NCAM1: variants seen among roughly 807,000 people sequenced by gnomAD.
The protein encoded by NCAM1 is antigen recognized by monoclonal antibody 5.1H11.
NCAM1 carries 14 observed loss-of-function variants against 109.8 expected under a neutral mutation model. The ratio of observed to expected loss-of-function variants is 0.13; its 90% CI spans 0.08 to 0.20. The LOEUF is 0.20. Among genes scored for constraint, NCAM1 ranks in the 10% least tolerant of loss-of-function variants. The probability of loss-of-function intolerance (pLI) is 1.00; values close to 1 mark genes in which losing one functional copy is unlikely to be tolerated. For synonymous variants in NCAM1, 418 were observed against 442.9 expected (o/e 0.94, Z 0.70); for missense variants, 774 against 1,109.9 (o/e 0.70, Z 4.30).
intron 1 of NCAM1, among the ~76,000 whole-genome samples, chr11:113,082,827 G>T (rs1317268967): frequency 1.3e-5 from 2 of 152,136 alleles, no homozygotes; most frequent in African/African-American, 4.8e-5. Context: ...TCTGTCAAAA[G>T]CAACCCTCTA....
At chr11:113,056,013 ATAT>A (rs1953696890) in intron 1 of NCAM1, among the ~76,000 whole-genome samples, 1 of 115,538 alleles carries the variant, frequency 8.7e-6, no homozygotes, top group South Asian at 2.6e-4. Flanking sequence ...ATATATATAT[ATAT>A]ATATATATAA....
intron 1 of NCAM1, among the ~76,000 whole-genome samples, chr11:113,043,582 C>T (rs1385237900): frequency 9.2e-5 from 14 of 152,138 alleles, no homozygotes; most frequent in African/African-American, 3.4e-4. Flanking sequence ...GTGATCTGCC[C>T]GTCTCGGCCT....
chr11:113,012,593 G>T (rs1179127933), intron 1 of NCAM1, among the ~76,000 whole-genome samples: 1 of 152,118 alleles, frequency 6.6e-6, no homozygotes, highest in Non-Finnish European at 1.5e-5. Flanking sequence ...GTATTTCTTC[G>T]CCTCTTCCCC....
At chr11:113,097,129 G>A (rs1485637359) in intron 1 of NCAM1, among the ~76,000 whole-genome samples, 1 of 152,150 alleles carries the variant, frequency 6.6e-6, no homozygotes, top group Non-Finnish European at 1.5e-5. Flanking sequence ...ATGTTAAAAA[G>A]CTTGCTGAAG....
Position 113,204,470 on chromosome 11 carries a change from T to C in NCAM1, c.312T>C (p.Ser104=). 6.2e-7 allele frequency: 1 copy of C among 1,613,982 alleles called. No individual in the cohort carries two copies. Among genetic ancestry groups the C allele is most frequent in the Non-Finnish European group, 8.5e-7 (1 of 1,179,870 alleles). ...YKCVVTGEDG[S]ESEATVNVKI... ...GTGTGGTTACAGGCGAGGATGGCAG[T>C]GAGTCAGAGGCCACCGTCAACGTGA... The change falls in exon 3 of 20, where the codon AGT becomes AGC. Residue 104 remains serine, a synonymous_variant. Transcript: ENST00000316851.
intron 1 of NCAM1, among the ~76,000 whole-genome samples, chr11:112,973,589 T>G (rs1322211136): frequency 6.6e-6 from 1 of 152,134 alleles, no homozygotes; most frequent in African/African-American, 2.4e-5. Flanking sequence ...AGCCAGTTAT[T>G]TAATCTCCAA....
chr11:113,077,181 A>C (rs1427194255), intron 1 of NCAM1, among the ~76,000 whole-genome samples: 2 of 152,230 alleles, frequency 1.3e-5, no homozygotes, highest in African/African-American at 2.4e-5. Flanking sequence ...AAACAATGAC[A>C]AAACTGCATG....
chr11:113,006,061 C>T (rs781912735), intron 1 of NCAM1, among the ~76,000 whole-genome samples: 1 of 152,088 alleles, frequency 6.6e-6, no homozygotes, highest in Non-Finnish European at 1.5e-5. Context: ...TCATATTGCT[C>T]CTGGCTAATA....
chr11:112,961,449 G>T lies in NCAM1; in HGVS notation c.-164G>T, dbSNP rs201971024. The T allele has an allele frequency of 1.3e-3, 992 of 769,994 alleles. 10 individuals are homozygous for T. Among genetic ancestry groups the T allele is most frequent in the Middle Eastern group, 7.5e-3 (33 of 4,416 alleles). 47.7% of individuals were successfully genotyped at this position (769,994 alleles called of 1,614,324 possible). The stretch of plus-strand genomic sequence containing the variant: ...ATTCTCCGATCAGCGCGTGAACGCA[G>T]CTCGGCTGCCGCTGGCAGGAAACAA... On this transcript the variant is annotated 5_prime_UTR_variant, in exon 1 of 20. Coordinates refer to ENST00000316851, the MANE Select transcript of NCAM1 (RefSeq NM_181351.5).
At chr11:113,009,679 C>T (rs1401742689) in intron 1 of NCAM1, among the ~76,000 whole-genome samples, 1 of 152,068 alleles carries the variant, frequency 6.6e-6, no homozygotes, top group Non-Finnish European at 1.5e-5. Flanking sequence ...ACTCACAGGT[C>T]AGAAAACTTT....
intron 1 of NCAM1, among the ~76,000 whole-genome samples, chr11:113,198,496 C>T (rs374284645): frequency 2.0e-5 from 3 of 152,124 alleles, no homozygotes; most frequent in Non-Finnish European, 2.9e-5. Flanking sequence ...CTCAGTCTCC[C>T]GAGTAGCTGG....
intron 1 of NCAM1, among the ~76,000 whole-genome samples, chr11:112,988,336 T>C (rs1951364829): frequency 6.6e-6 from 1 of 152,212 alleles, no homozygotes; most frequent in African/African-American, 2.4e-5. Context: ...ACCATTACAA[T>C]ATTAGAATAT....
chr11:113,224,007 G>A (rs1399376191), intron 9 of NCAM1, among the ~76,000 whole-genome samples: 1 of 152,224 alleles, frequency 6.6e-6, no homozygotes, highest in African/African-American at 2.4e-5. Context: ...CAGCATGAGC[G>A]ACGCAGAAGA....
chr11:113,117,919 C>T (rs1940781586), intron 1 of NCAM1, among the ~76,000 whole-genome samples: 1 of 152,022 alleles, frequency 6.6e-6, no homozygotes, highest in Non-Finnish European at 1.5e-5. Context: ...ACTGGCATCT[C>T]AGGCAGTCAT....
chr11:113,060,496 A>G (rs909903964), intron 1 of NCAM1, among the ~76,000 whole-genome samples: 1 of 152,206 alleles, frequency 6.6e-6, no homozygotes, highest in Non-Finnish European at 1.5e-5. Context: ...GTGATGTGCG[A>G]GGTTCAGCTT....
intron 15 of NCAM1, among the ~76,000 whole-genome samples, chr11:113,252,025 C>T (rs936311559): frequency 6.6e-6 from 1 of 152,284 alleles, no homozygotes; most frequent in Non-Finnish European, 1.5e-5. Context: ...GAAACAATTG[C>T]TCTTTCCATA....
At chr11:113,022,390 A>C (rs988267020) in intron 1 of NCAM1, among the ~76,000 whole-genome samples, 2 of 152,220 alleles carry the variant, frequency 1.3e-5, no homozygotes, top group Non-Finnish European at 2.9e-5. Flanking sequence ...AATTCTTCTG[A>C]AATTGCATAG....
At chr11:113,020,715 G>C (rs899022379) in intron 1 of NCAM1, among the ~76,000 whole-genome samples, 2 of 152,016 alleles carry the variant, frequency 1.3e-5, no homozygotes, top group Non-Finnish European at 2.9e-5. Flanking sequence ...TATTGGATTT[G>C]TTACTTCATT....
chr11:113,148,811 G>C (rs1451391580), intron 1 of NCAM1, among the ~76,000 whole-genome samples: 1 of 152,130 alleles, frequency 6.6e-6, no homozygotes, highest in African/African-American at 2.4e-5. Flanking sequence ...AAAGCTGCTT[G>C]GCTCCAAGGC....
Sources: allele counts gnomAD v4.1 joint callset (sites outside exome capture counted in the v4.1 genomes callset), GRCh38; gene constraint gnomAD v4.1.1; transcripts MANE v1.5; gene names NCBI Gene and HGNC (gene_info 2026-07-23, HGNC 2026-07-21).